SGCD: variants seen among roughly 807,000 people sequenced by gnomAD.
The protein encoded by SGCD is delta-sarcoglycan.
SGCD carries 18 observed loss-of-function variants against 36.6 expected under a neutral mutation model. The ratio of observed to expected loss-of-function variants is 0.49; its 90% CI spans 0.34 to 0.73. The LOEUF is 0.73. SGCD is among the 30% of genes least tolerant of loss of function. SGCD has a pLI of 0.01. For missense variants in SGCD, 387 were observed against 346.7 expected (o/e 1.12, Z -0.92); for synonymous variants, 133 against 130.6 (o/e 1.02, Z -0.12).
At chr5:156,536,061 T>C (rs1210069962) in intron 4 of SGCD, among the ~76,000 whole-genome samples, 1 of 152,182 alleles carries the variant, frequency 6.6e-6, no homozygotes, top group African/African-American at 2.4e-5. Flanking sequence ...ATTATCACTT[T>C]GATAATGGGG....
the SGCD span, among the ~76,000 whole-genome samples, chr5:155,832,490 C>G: frequency 6.6e-6 from 1 of 152,126 alleles, no homozygotes; most frequent in African/African-American, 2.4e-5. Flanking sequence ...TGGTTGGCTC[C>G]AGTCTATTTT....
At chr5:155,799,507 C>A in the SGCD span, among the ~76,000 whole-genome samples, 1 of 151,758 alleles carries the variant, frequency 6.6e-6, no homozygotes, top group Admixed American at 6.6e-5. Context: ...AATCCTCCCA[C>A]TTGATCCTCT....
intron 3 of SGCD, among the ~76,000 whole-genome samples, chr5:156,132,213 T>C (rs557433666): frequency 6.6e-6 from 1 of 152,126 alleles, no homozygotes; most frequent in South Asian, 2.1e-4. Flanking sequence ...TTTCAGGTAC[T>C]GTCAGGTGTA....
chr5:156,186,365 G>T (rs1277902452), intron 3 of SGCD, among the ~76,000 whole-genome samples: 2 of 152,092 alleles, frequency 1.3e-5, no homozygotes, highest in Admixed American at 6.5e-5. Flanking sequence ...TTGCCATATG[G>T]TCTGTTGTCC....
At chr5:155,972,233 C>T (rs1174988494) in intron 1 of SGCD, among the ~76,000 whole-genome samples, 2 of 152,152 alleles carry the variant, frequency 1.3e-5, no homozygotes, top group Admixed American at 6.5e-5. Context: ...ATGTACACTG[C>T]ATAGTGAATT....
chr5:156,517,644 C>A (rs995718661), intron 4 of SGCD, among the ~76,000 whole-genome samples: 9 of 152,138 alleles, frequency 5.9e-5, no homozygotes, highest in African/African-American at 2.2e-4. Context: ...ACAGCAGACC[C>A]CCCTCAGCAG....
chr5:156,266,370 T>C (rs1421465173), intron 3 of SGCD, among the ~76,000 whole-genome samples: 3 of 152,198 alleles, frequency 2.0e-5, no homozygotes, highest in Non-Finnish European at 4.4e-5. Context: ...AAACCAGTAA[T>C]GTCAAAAATG....
intron 3 of SGCD, among the ~76,000 whole-genome samples, chr5:156,447,085 C>A (rs1279993816): frequency 1.3e-5 from 2 of 152,084 alleles, no homozygotes; most frequent in East Asian, 1.9e-4. Flanking sequence ...GATGGGATAA[C>A]ACAGGTCGTT....
At chr5:156,388,969 T>C (rs988922770) in intron 3 of SGCD, among the ~76,000 whole-genome samples, 1 of 152,130 alleles carries the variant, frequency 6.6e-6, no homozygotes, top group African/African-American at 2.4e-5. Context: ...GTTTATTTGA[T>C]TCTGTAATGA....
chr5:155,935,113 G>A (rs926309632), intron 1 of SGCD, among the ~76,000 whole-genome samples: 1 of 152,036 alleles, frequency 6.6e-6, no homozygotes, highest in Non-Finnish European at 1.5e-5. Flanking sequence ...AATCCTCCTG[G>A]TTCCTTTGTG....
intron 3 of SGCD, among the ~76,000 whole-genome samples, chr5:156,272,411 C>G (rs972458677): frequency 1.3e-5 from 2 of 152,184 alleles, no homozygotes; most frequent in Non-Finnish European, 2.9e-5. Flanking sequence ...TTTTCTTTAT[C>G]CACCCATTGG....
intron 3 of SGCD, among the ~76,000 whole-genome samples, chr5:156,504,434 G>GTA (rs1268978582): frequency 7.1e-6 from 1 of 141,032 alleles, no homozygotes; most frequent in Non-Finnish European, 1.5e-5. Flanking sequence ...ATGTCAATGT[G>GTA]TATATATATT....
chr5:156,502,963 G>A (rs893245226), intron 3 of SGCD, among the ~76,000 whole-genome samples: 1 of 152,158 alleles, frequency 6.6e-6, no homozygotes, highest in Non-Finnish European at 1.5e-5. Context: ...CCATTAGGCA[G>A]ACCGAGAGAC....
At chr5:156,398,757 TAACTG>T (rs1021055622) in intron 3 of SGCD, among the ~76,000 whole-genome samples, 1 of 152,164 alleles carries the variant, frequency 6.6e-6, no homozygotes, top group Non-Finnish European at 1.5e-5. Flanking sequence ...TCTTCAAACT[TAACTG>T]GACAGAGGAC....
At chr5:156,565,039 G>C (rs1759421580) in intron 4 of SGCD, among the ~76,000 whole-genome samples, 1 of 152,176 alleles carries the variant, frequency 6.6e-6, no homozygotes, top group African/African-American at 2.4e-5. Context: ...TGAAAGATCA[G>C]AGACTTAGCA....
At chr5:155,803,248 A>G in the SGCD span, among the ~76,000 whole-genome samples, 1 of 152,222 alleles carries the variant, frequency 6.6e-6, no homozygotes, top group African/African-American at 2.4e-5. Context: ...GGCAATGGAA[A>G]AGCCGAAAGA....
At chr5:155,840,783 A>C in the SGCD span, among the ~76,000 whole-genome samples, 3 of 151,594 alleles carry the variant, frequency 2.0e-5, no homozygotes, top group African/African-American at 7.3e-5. Context: ...AGGCCGAGGC[A>C]GGCAGATCAC....
intron 1 of SGCD, among the ~76,000 whole-genome samples, chr5:155,912,069 CA>C (rs1191397964): frequency 6.6e-6 from 1 of 151,982 alleles, no homozygotes; most frequent in Non-Finnish European, 1.5e-5. Flanking sequence ...AAAAGATGGT[CA>C]GTGATGTCAT....
At chr5:155,815,409 T>A in the SGCD span, among the ~76,000 whole-genome samples, 4 of 152,220 alleles carry the variant, frequency 2.6e-5, no homozygotes, top group African/African-American at 9.6e-5. Flanking sequence ...TAAAACTAAA[T>A]CCATTTGAGC....
Sources: gnomAD v4.1 joint callset for allele counts (sites outside exome capture counted in the v4.1 genomes callset) on GRCh38, gnomAD v4.1.1 for gene constraint, MANE v1.5 for transcripts, NCBI Gene and HGNC (gene_info 2026-07-23, HGNC 2026-07-21) for gene names.